The following ZNF337 variants were observed in gnomAD, a reference collection of about 807,000 sequenced individuals.
The protein encoded by ZNF337 is zinc finger protein 337.
ZNF337 carries 8 observed loss-of-function variants against 12.1 expected under a neutral mutation model. That is an observed-to-expected ratio of 0.66 (90% CI 0.39 to 1.19). The LOEUF is 1.19. ZNF337 is among the 50% of genes most tolerant of loss of function. The probability of loss-of-function intolerance (pLI) is 0.01; values close to 1 mark genes in which losing one functional copy is unlikely to be tolerated. For synonymous variants in ZNF337, 336 were observed against 320.0 expected (o/e 1.05, Z -0.53); for missense variants, 882 against 896.6 (o/e 0.98, Z 0.21).
At chr20:25,691,816 GT>G (rs1187269121) in intron 1 of ZNF337, among the ~76,000 whole-genome samples, 1 of 152,140 alleles carries the variant, frequency 6.6e-6, no homozygotes, top group Non-Finnish European at 1.5e-5. Context: ...TTAAATGGTT[GT>G]TTTTGGTTTT....
In ZNF337 at chr20:25,676,467, G is replaced by T. The variant is rs1569006592; in HGVS notation, c.821C>A (p.Thr274Asn). ...ATGCACAGTGAGGTATGACTTACTGGTATAGCCTCGTCCACACACCTTGCA... is the reference window on the plus strand; with the variant it reads ...ATGCACAGTGAGGTATGACTTACTGTTATAGCCTCGTCCACACACCTTGCA... ...FLCKVCGRGYTSKSYLTVHER... is the reference protein window; with the variant it reads ...FLCKVCGRGYNSKSYLTVHER... Residue 274 changes from threonine (T) to asparagine (N), a missense_variant, in exon 5 of 5, where the codon ACC becomes AAC. Coordinates refer to ENST00000252979, the MANE Select transcript of ZNF337 (RefSeq NM_015655.4). 1 of 1,607,654 alleles carries T rather than the reference G, an allele frequency of 6.2e-7. No individual in the cohort carries two copies. The highest frequency in any genetic ancestry group is 8.5e-7 in the Non-Finnish European group (1 of 1,177,892).
rs985720062 is a variant in ZNF337, at chr20:25,696,100, C to G, written c.-50+659G>C. ...GCCCCACGCAGATCCCCCCCCCCCC[C>G]CACCAAAACACGTCTAGACGTGCCC... On this transcript the variant is annotated intron_variant, in intron 1 of 4. Transcript: ENST00000252979. Among the ~76,000 whole-genome samples, 9 of 121,780 alleles carry G rather than the reference C, an allele frequency of 7.4e-5. No individual in the cohort carries two copies. In the East Asian group the frequency reaches 2.2e-3, roughly 30 times the overall value. The allele number at this position is 121,780 out of a possible 152,430, so 79.9% of individuals were successfully genotyped here.
intron 4 of ZNF337, chr20:25,677,889 T>C (rs1197304347): frequency 6.6e-6 from 1 of 152,030 alleles, no homozygotes; most frequent in Non-Finnish European, 1.5e-5. Flanking sequence ...AGGAAACATA[T>C]CTCAACATAA....
chr20:25,686,202 G>C (rs2065831867), intron 2 of ZNF337, 80 bp from the exon 3 acceptor site: 2 of 1,599,946 alleles, frequency 1.3e-6, no homozygotes, highest in East Asian at 2.2e-5. Context: ...TCTGCCATCT[G>C]TACACAGATC....
chr20:25,686,665 C>T (rs998593165), intron 1 of ZNF337, 199 bp from the exon 2 acceptor site: 9 of 560,030 alleles, frequency 1.6e-5, no homozygotes, highest in African/African-American at 5.6e-5. Context: ...GAAGTGTGCC[C>T]CAGGAGCTGG....
intron 1 of ZNF337, among the ~76,000 whole-genome samples, chr20:25,696,334 C>A (rs1182033883): frequency 6.6e-6 from 1 of 152,176 alleles, no homozygotes; most frequent in Non-Finnish European, 1.5e-5. Context: ...GTAACCCCCA[C>A]CCCACCAGTG....
At chr20:25,679,691 T>C (rs967021616) in intron 4 of ZNF337, among the ~76,000 whole-genome samples, 1 of 151,950 alleles carries the variant, frequency 6.6e-6, no homozygotes, top group African/African-American at 2.4e-5. Context: ...AAAAAGGCAA[T>C]AATTATACAC....
At chr20:25,696,344 G>A (rs949559098) in intron 1 of ZNF337, among the ~76,000 whole-genome samples, 12 of 152,094 alleles carry the variant, frequency 7.9e-5, no homozygotes, top group Non-Finnish European at 1.6e-4. Context: ...CCCCACCAGT[G>A]GACCCTGGCT....
intron 4 of ZNF337, among the ~76,000 whole-genome samples, chr20:25,681,724 T>C (rs984929740): frequency 2.6e-5 from 4 of 152,164 alleles, no homozygotes; most frequent in African/African-American, 9.7e-5. Context: ...GGGTCCAGAT[T>C]ACACAAAGTT....
At position 25,674,761 on chromosome 20, in the gene ZNF337, G is replaced by A. The variant is rs2065655356; in HGVS notation, c.*271C>T. The A allele has an allele frequency of 6.2e-6, 3 of 482,010 alleles. No individual in the cohort carries two copies. The highest frequency in any genetic ancestry group is 7.5e-6 in the Non-Finnish European group (2 of 268,100). The allele number at this position is 482,010 out of a possible 1,614,324, so 29.9% of individuals were successfully genotyped here. ...GCACAGCCTGGCACAAATACAACAAGAATATGTGCTCAGTAGGAAAGAGAC... is the reference window on the plus strand; with the variant it reads ...GCACAGCCTGGCACAAATACAACAAAAATATGTGCTCAGTAGGAAAGAGAC... On this transcript the variant is annotated 3_prime_UTR_variant, in exon 5 of 5. Coordinates refer to ENST00000252979, the MANE Select transcript of ZNF337 (RefSeq NM_015655.4).
intron 4 of ZNF337, among the ~76,000 whole-genome samples, chr20:25,682,446 G>A (rs997936930): frequency 4.6e-5 from 7 of 152,140 alleles, no homozygotes; most frequent in Admixed American, 1.3e-4. Flanking sequence ...TATAGAAGAT[G>A]TAAAAATCAT....
intron 4 of ZNF337, chr20:25,681,309 C>A (rs1349075943): frequency 6.6e-6 from 1 of 152,146 alleles, no homozygotes; most frequent in Non-Finnish European, 1.5e-5. Context: ...TCCCTTCCCA[C>A]CTATGTAAAC....
chr20:25,693,885 C>T (rs2065900345), intron 1 of ZNF337, among the ~76,000 whole-genome samples: 1 of 152,084 alleles, frequency 6.6e-6, no homozygotes. Flanking sequence ...ACTAAAATGG[C>T]TCTAAAATGA....
rs571780893 is a variant in ZNF337 at position 25,674,896 on chromosome 20, G to A, written c.*136C>T. 2.4e-5 allele frequency: 18 copies of A among 761,032 alleles called. No homozygotes were observed. The highest frequency in any genetic ancestry group is 1.9e-4 in the African/African-American group (11 of 56,926). The allele number at this position is 761,032 out of a possible 1,614,324, so 47.1% of individuals were successfully genotyped here. A position where few individuals can be genotyped will look rare whatever the true frequency, so the allele number is the denominator to read the frequency against. Reference sequence around the variant, plus strand: ...CTTGGGGACACATGGGTTGAATTCAGGTTCTCTGTAGCCCTCTGGATTCTG... The same window carrying A: ...CTTGGGGACACATGGGTTGAATTCAAGTTCTCTGTAGCCCTCTGGATTCTG... On this transcript the variant is annotated 3_prime_UTR_variant, in exon 5 of 5. Transcript: ENST00000252979.
chr20:25,689,307 A>G (rs192367515), intron 1 of ZNF337, among the ~76,000 whole-genome samples: 5 of 141,184 alleles, frequency 3.5e-5, no homozygotes, highest in Admixed American at 2.7e-4. Context: ...CCGCATCAAG[A>G]AAAAAAAAAA....
rs1478258314 is a variant in ZNF337, at chr20:25,673,493, G to A, written c.*1539C>T. Among the ~76,000 whole-genome samples, 1 of 152,106 alleles carries A rather than the reference G, an allele frequency of 6.6e-6. No individual in the cohort carries two copies. Among genetic ancestry groups the A allele is most frequent in the Non-Finnish European group, 1.5e-5 (1 of 68,030 alleles). ...ATGGGCCATCTCTACACACCCAGATGGTCTGTGGCTGGGAGCATGGCAGAG... is the reference window on the plus strand; with the variant it reads ...ATGGGCCATCTCTACACACCCAGATAGTCTGTGGCTGGGAGCATGGCAGAG... On this transcript the variant is annotated 3_prime_UTR_variant, in exon 5 of 5. Coordinates refer to ENST00000252979, the MANE Select transcript of ZNF337 (RefSeq NM_015655.4).
rs530943089 is a variant in ZNF337, at chr20:25,696,648, G to A, written c.-50+111C>T. The stretch of plus-strand genomic sequence containing the variant: ...AGAACGCGGAGACGCCGGGCCTGGA[G>A]GAGCGCGCGCTACGGCCCCAGCAGC... On this transcript the variant is annotated intron_variant, in intron 1 of 4. Coordinates refer to ENST00000252979, the MANE Select transcript of ZNF337 (RefSeq NM_015655.4). 5.2e-6 allele frequency: 4 copies of A among 771,256 alleles called. No homozygotes were observed. The South Asian group carries it at 1.7e-4, about 34-fold the overall frequency. The allele number at this position is 771,256 out of a possible 1,614,324, so 47.8% of individuals were successfully genotyped here. A position where few individuals can be genotyped will look rare whatever the true frequency, so the allele number is the denominator to read the frequency against.
At chr20:25,693,789 TC>T (rs1207566206) in intron 1 of ZNF337, among the ~76,000 whole-genome samples, 1 of 151,984 alleles carries the variant, frequency 6.6e-6, no homozygotes, top group Non-Finnish European at 1.5e-5. Context: ...ACATAAGAAG[TC>T]CCCACCTGGG....
rs775985363 is a variant in ZNF337, at chr20:25,675,379, A to G, written c.1909T>C (p.Phe637Leu). 18 of 1,613,960 alleles carry G rather than the reference A, an allele frequency of 1.1e-5. No homozygotes were observed. The highest frequency in any genetic ancestry group is 1.4e-5 in the Non-Finnish European group (16 of 1,180,026). The change falls in exon 5 of 5, where the codon TTC (phenylalanine) becomes CTC (leucine). Residue 637 changes from phenylalanine to leucine, a missense_variant. Physicochemically the swap from Phe to Leu is conservative, Grantham distance 22. Coordinates refer to ENST00000252979, the MANE Select transcript of ZNF337 (RefSeq NM_015655.4). ...PFVCKECGRG[F>L]NWKGNLLTHQ... ...GTGAGGAGATTTCCCTTCCAGTTGA[A>G]GCCTCGCCCACACTCCTTGCATACA...
Sources: allele counts gnomAD v4.1 joint callset (sites outside exome capture counted in the v4.1 genomes callset), GRCh38; gene constraint gnomAD v4.1.1; transcripts MANE v1.5; gene names NCBI Gene and HGNC (gene_info 2026-07-23, HGNC 2026-07-21).